The following BICD1 variants were observed in gnomAD, a reference collection of about 807,000 sequenced individuals.
BICD1 encodes the protein protein bicaudal D homolog 1.
BICD1 carries 35 observed loss-of-function variants against 92.5 expected under a neutral mutation model. The observed-to-expected ratio is 0.38, with a 90% confidence interval of 0.29 to 0.50. The LOEUF (loss-of-function observed/expected upper bound fraction) is 0.50, where lower values mean the gene tolerates loss of function less well. Ranked by LOEUF, BICD1 falls within the 20% of genes least tolerant of loss-of-function variation. BICD1 has a pLI of 0.93. For synonymous variants in BICD1, 429 were observed against 465.1 expected (o/e 0.92, Z 1.00); for missense variants, 950 against 1,189.8 (o/e 0.80, Z 2.97).
At chr12:32,165,032 G>C (rs957925140) in intron 1 of BICD1, among the ~76,000 whole-genome samples, 3 of 152,146 alleles carry the variant, frequency 2.0e-5, no homozygotes, top group African/African-American at 7.2e-5. Flanking sequence ...GGTCTCTCGA[G>C]AAAGATCCAG....
intron 1 of BICD1, among the ~76,000 whole-genome samples, chr12:32,176,097 T>C (rs1048778810): frequency 1.3e-5 from 2 of 152,248 alleles, no homozygotes; most frequent in Non-Finnish European, 2.9e-5. Flanking sequence ...TTCCCTTGTA[T>C]GCATGTACTA....
intron 2 of BICD1, among the ~76,000 whole-genome samples, chr12:32,281,573 A>C (rs147517363): frequency 6.8e-4 from 104 of 152,352 alleles, no homozygotes; most frequent in African/African-American, 2.4e-3. Flanking sequence ...TAAGTTTGTC[A>C]GATACTTTCC....
chr12:32,208,602 G>A (rs1412322237), intron 1 of BICD1, among the ~76,000 whole-genome samples: 4 of 152,076 alleles, frequency 2.6e-5, no homozygotes, highest in South Asian at 2.1e-4. Context: ...TGAGCCATAC[G>A]CATCATGGAA....
intron 1 of BICD1, among the ~76,000 whole-genome samples, chr12:32,151,933 G>A (rs941268179): frequency 6.6e-6 from 1 of 152,004 alleles, no homozygotes; most frequent in African/African-American, 2.4e-5. Context: ...AGTCAGCAGA[G>A]ACTTGTTTTT....
chr12:32,328,573 G>A lies in BICD1; in HGVS notation c.2100+18G>A. ...ACAAGCAGGTAATCTCATTCTACTG[G>A]TGAAAGCATGCCAGTCAAAGCTTTC... is the stretch of plus-strand genomic sequence containing the variant. On this transcript the variant is annotated intron_variant, in intron 5 of 9. Coordinates refer to ENST00000652176, the MANE Select transcript of BICD1 (RefSeq NM_001714.4). This position sits in a 1 kb window ranked among gnomAD's most constrained non-coding sequence, Gnocchi z 4.4. 2 of 1,595,448 alleles carry A rather than the reference G, an allele frequency of 1.3e-6. No homozygotes were observed. Among genetic ancestry groups the A allele is most frequent in the Non-Finnish European group, 1.7e-6 (2 of 1,168,970 alleles).
At chr12:32,284,792 C>T (rs11051900) in intron 2 of BICD1, among the ~76,000 whole-genome samples, 8,339 of 152,194 alleles carry the variant, frequency 0.055, 742 homozygotes, top group African/African-American at 0.19. Flanking sequence ...TAAACCGCAC[C>T]GTTCCCTAAA....
intron 1 of BICD1, among the ~76,000 whole-genome samples, chr12:32,122,164 A>G (rs1942176756): frequency 6.6e-6 from 1 of 152,020 alleles, no homozygotes; most frequent in Admixed American, 6.6e-5. Flanking sequence ...CCCTTTCTTA[A>G]GGCTGGGCGC....
intron 1 of BICD1, among the ~76,000 whole-genome samples, chr12:32,121,054 C>T (rs1258313664): frequency 1.2e-4 from 18 of 151,182 alleles, no homozygotes; most frequent in South Asian, 2.1e-4. Flanking sequence ...CTGCAGCCAC[C>T]GCCTCCTGGG....
At chr12:32,304,407 T>C (rs1948155334) in intron 3 of BICD1, among the ~76,000 whole-genome samples, 1 of 152,250 alleles carries the variant, frequency 6.6e-6, no homozygotes, top group South Asian at 2.1e-4. Flanking sequence ...ACTTTATTTT[T>C]TCATTCTCCA....
intron 4 of BICD1, among the ~76,000 whole-genome samples, chr12:32,308,381 A>G (rs1431874617): frequency 6.6e-6 from 1 of 152,206 alleles, no homozygotes; most frequent in Admixed American, 6.5e-5. Flanking sequence ...TCATTCTTAG[A>G]GGACAGCACT....
Position 32,293,979 on chromosome 12 carries a change from A to G in BICD1, c.427-15A>G. ...TAAGAGAGTTATATATTGACTGTTT[A>G]CTCTGTTGTTTCAGAACAATGAGAT... On this transcript the variant is annotated splice_polypyrimidine_tract_variant and intron_variant, in intron 2 of 9. Transcript: ENST00000652176. 6.2e-7 allele frequency: 1 copy of G among 1,609,746 alleles called. No individual in the cohort carries two copies. The highest frequency in any genetic ancestry group is 2.2e-5 in the East Asian group (1 of 44,794).
chr12:32,107,691 G>A, intron 1 of BICD1, 147 bp downstream of exon 1: 1 of 930,086 alleles, frequency 1.1e-6, no homozygotes. Context: ...AAGATTGAAA[G>A]AGTCCATTGT....
At chr12:32,311,217 G>C (rs549558199) in intron 4 of BICD1, among the ~76,000 whole-genome samples, 1 of 152,310 alleles carries the variant, frequency 6.6e-6, no homozygotes, top group South Asian at 2.1e-4. Flanking sequence ...AATACATTGG[G>C]CCGGGTGCGG....
In BICD1 at chr12:32,328,962, A is replaced by G. The variant is rs1261984147; in HGVS notation, c.2100+407A>G. ...ACAGCAAGAAAGACAAACACCCAGC[A>G]GGCAGCTAGAGCAAACAGAGGGAAA... On this transcript the variant is annotated intron_variant, in intron 5 of 9. Coordinates refer to ENST00000652176, the MANE Select transcript of BICD1 (RefSeq NM_001714.4). This position sits in a 1 kb window ranked among gnomAD's most constrained non-coding sequence, Gnocchi z 4.4. 6.6e-6 allele frequency among the ~76,000 whole-genome samples: 1 copy of G among 152,220 alleles called. No homozygotes were observed. Among genetic ancestry groups the G allele is most frequent in the Non-Finnish European group, 1.5e-5 (1 of 68,040 alleles).
chr12:32,376,086 A>ATTTT (rs11378740), intron 9 of BICD1, among the ~76,000 whole-genome samples: 4 of 140,486 alleles, frequency 2.8e-5, no homozygotes, highest in Non-Finnish European at 4.6e-5. Flanking sequence ...TGCTAGTCAC[A>ATTTT]TTTTTTTTTT....
chr12:32,267,109 T>C (rs1475159277), intron 2 of BICD1, among the ~76,000 whole-genome samples: 4 of 152,180 alleles, frequency 2.6e-5, no homozygotes, highest in Non-Finnish European at 5.9e-5. Flanking sequence ...GTTTAGTGTC[T>C]CTTCCTTGGT....
intron 3 of BICD1, among the ~76,000 whole-genome samples, chr12:32,300,286 G>A (rs965335688): frequency 2.0e-5 from 3 of 151,874 alleles, no homozygotes; most frequent in Non-Finnish European, 4.4e-5. Context: ...GTATTTTTTA[G>A]TAGAGACGGT....
chr12:32,342,782 A>G (rs1172146801), intron 8 of BICD1, among the ~76,000 whole-genome samples: 1 of 152,196 alleles, frequency 6.6e-6, no homozygotes, highest in Non-Finnish European at 1.5e-5. Flanking sequence ...GTTACTTTCA[A>G]ATAGATTTTA....
intron 2 of BICD1, among the ~76,000 whole-genome samples, chr12:32,225,627 T>TTTTTTTTTTTG (rs1565600340): frequency 2.6e-4 from 9 of 34,624 alleles, no homozygotes; most frequent in African/African-American, 8.8e-4. Flanking sequence ...TTCTGTTTTT[T>TTTTTTTTTTTG]TTTTTTTTTT....
Sources: gnomAD v4.1 joint callset for allele counts (sites outside exome capture counted in the v4.1 genomes callset) on GRCh38, gnomAD v4.1.1 for gene constraint, Gnocchi (gnomAD v3.1) non-coding constraint, MANE v1.5 for transcripts, NCBI Gene and HGNC (gene_info 2026-07-23, HGNC 2026-07-21) for gene names.